Variants in RIPOR1 observed in about 807,000 individuals in gnomAD.
RIPOR1 encodes the protein rho family-interacting cell polarization regulator 1.
Under a neutral mutation model 116.5 loss-of-function variants are expected in RIPOR1, and 58 were observed. The observed-to-expected ratio is 0.50, with a 90% confidence interval of 0.40 to 0.62. The LOEUF (loss-of-function observed/expected upper bound fraction) is 0.62, where lower values mean the gene tolerates loss of function less well. Among genes scored for constraint, RIPOR1 ranks in the 20% least tolerant of loss-of-function variants. The pLI, the probability that RIPOR1 is intolerant of heterozygous loss-of-function variation, is 0.00. For synonymous variants in RIPOR1, 605 were observed against 650.0 expected, an observed-to-expected ratio of 0.93 and a Z score of 1.05; for missense variants, 1,372 against 1,586.2, an observed-to-expected ratio of 0.86 and a Z score of 2.29.
Position 67,540,202 on chromosome 16 carries a change from G to A in RIPOR1, c.564G>A (p.Thr188=), listed in dbSNP as rs779935791. The change falls in exon 7 of 22, where the codon ACG becomes ACA. Residue 188 remains threonine, a synonymous_variant. Coordinates refer to ENST00000042381, the MANE Select transcript of RIPOR1 (RefSeq NM_024519.4). The surrounding 1 kb of genome is among the most constrained non-coding windows in gnomAD (Gnocchi z 4.7). ...CCACTCGGGGGCATCGCGAGTACACGGAGGTGAGGGATGGGGGCCCATGAG... is the reference window on the plus strand; with the variant it reads ...CCACTCGGGGGCATCGCGAGTACACAGAGGTGAGGGATGGGGGCCCATGAG... ...AEATRGHREY[T]ESMCLLESEL... is the part of the protein sequence containing the mutation. The A allele has an allele frequency of 9.3e-6, 15 of 1,613,914 alleles. No homozygotes were observed. Among genetic ancestry groups the A allele is most frequent in the Admixed American group, 5.0e-5 (3 of 60,008 alleles).
Position 67,546,729 on chromosome 16 carries a change from G to C in RIPOR1, c.*266G>C. Reference sequence around the variant, plus strand: ...TGCCGCTGCCCAGCCACATCCCTTGGTTTTGTATTTTATTTACAGAGTTTT... The same window carrying C: ...TGCCGCTGCCCAGCCACATCCCTTGCTTTTGTATTTTATTTACAGAGTTTT... On this transcript the variant is annotated 3_prime_UTR_variant, in exon 22 of 22. Transcript: ENST00000042381. 1 of 548,546 alleles carries C rather than the reference G, an allele frequency of 1.8e-6. No individual in the cohort carries two copies. The allele number at this position is 548,546 out of a possible 1,614,324, so 34.0% of individuals were successfully genotyped here.
chr16:67,544,784 C>G lies in RIPOR1; in HGVS notation c.2823C>G (p.Cys941Trp), dbSNP rs571228643. Residue 941 changes from cysteine (C) to tryptophan (W), a missense_variant, in exon 16 of 22, where the codon TGC becomes TGG. Coordinates refer to ENST00000042381, the MANE Select transcript of RIPOR1 (RefSeq NM_024519.4). This position sits in a 1 kb window ranked among gnomAD's most constrained non-coding sequence, Gnocchi z 5.1. ...AAGCCCGAGTACTGGAGGCAGTATG[C>G]GAGTTCAGCAGGCGGTGGGAGATCC... ...LREARVLEAV[C>W]EFSRRWEIPA... 6.2e-7 allele frequency: 1 copy of G among 1,602,650 alleles called. No individual in the cohort carries two copies. Among genetic ancestry groups the G allele is most frequent in the Non-Finnish European group, 8.5e-7 (1 of 1,171,424 alleles).
chr16:67,542,188 G>A lies in RIPOR1; in HGVS notation c.1402G>A (p.Val468Ile), dbSNP rs753695870. The A allele has an allele frequency of 1.7e-5, 28 of 1,613,730 alleles. No homozygotes were observed. The highest frequency in any genetic ancestry group is 1.3e-4 in the South Asian group (12 of 91,080). Residue 468 changes from valine to isoleucine, a missense_variant, in exon 13 of 22, where the codon GTT (valine) becomes ATT (isoleucine). Physicochemically the swap from Val to Ile is conservative, Grantham distance 29. Transcript: ENST00000042381. The surrounding 1 kb of genome is among the most constrained non-coding windows in gnomAD (Gnocchi z 4.6). ...AALAEASVEA[V>I]GPESLAWGPS... ...CTTGGCTGAGGCTTCAGTGGAGGCC[G>A]TTGGCCCAGAAAGCCTAGCCTGGGG...
chr16:67,543,843 A>C lies in RIPOR1; in HGVS notation c.2600+374A>C. The C allele has an allele frequency of 2.8e-6, 1 of 351,534 alleles. No individual in the cohort carries two copies. The allele number at this position is 351,534 out of a possible 1,614,324, so 21.8% of individuals were successfully genotyped here. A position where few individuals can be genotyped will look rare whatever the true frequency, so the allele number is the denominator to read the frequency against. On this transcript the variant is annotated intron_variant, in intron 14 of 21. Transcript: ENST00000042381. The surrounding 1 kb of genome is among the most constrained non-coding windows in gnomAD (Gnocchi z 4.7). ...TCAGTGTCTCGCCGTGCACCCTGGG[A>C]CCCCAGCACTGCCCCACTCCTTCTC...
At chr16:67,546,077 C>T in intron 20 of RIPOR1, 45 bp downstream of exon 20, 1 of 1,608,238 alleles carries the variant, frequency 6.2e-7, no homozygotes, top group East Asian at 2.2e-5. Context: ...CTTCCGGCAC[C>T]CCCACCCCTG....
upstream of RIPOR1, among the ~76,000 whole-genome samples, chr16:67,527,694 G>C (rs2050556061): frequency 1.3e-5 from 2 of 152,078 alleles, no homozygotes; most frequent in African/African-American, 4.8e-5. Flanking sequence ...GGCTAACATG[G>C]TGAAACCCCA....
In RIPOR1 at chr16:67,538,446, T is replaced by C; in HGVS notation, c.-1T>C. The C allele has an allele frequency of 1.2e-6, 2 of 1,604,180 alleles. No individual in the cohort carries two copies. Among genetic ancestry groups the C allele is most frequent in the Non-Finnish European group, 8.5e-7 (1 of 1,175,766 alleles). Reference sequence around the variant, plus strand: ...CAGGGAGCCCCGCGCGGACTCACTCTATGATGTCCCTGTCGGTGCGGCCGC... The same window carrying C: ...CAGGGAGCCCCGCGCGGACTCACTCCATGATGTCCCTGTCGGTGCGGCCGC... On this transcript the variant is annotated 5_prime_UTR_variant, in exon 2 of 22. Coordinates refer to ENST00000042381, the MANE Select transcript of RIPOR1 (RefSeq NM_024519.4).
chr16:67,543,515 A>T lies in RIPOR1; in HGVS notation c.2600+46A>T. The stretch of plus-strand genomic sequence containing the variant: ...GGGTGTGAGGCTAGGTGAGAGGGAA[A>T]AGGTGAGGCAGGACCAGGGGAAGGT... On this transcript the variant is annotated intron_variant, in intron 14 of 21. Transcript: ENST00000042381. The surrounding 1 kb of genome is among the most constrained non-coding windows in gnomAD (Gnocchi z 4.7). 1 of 1,541,980 alleles carries T rather than the reference A, an allele frequency of 6.5e-7. No homozygotes were observed. Among genetic ancestry groups the T allele is most frequent in the Non-Finnish European group, 8.7e-7 (1 of 1,146,482 alleles).
Position 67,531,497 on chromosome 16 carries a change from C to A in RIPOR1, c.-24+2583C>A. 5.3e-6 allele frequency: 2 copies of A among 376,650 alleles called. No individual in the cohort carries two copies. The highest frequency in any genetic ancestry group is 1.9e-5 in the South Asian group (1 of 53,562). The allele number at this position is 376,650 out of a possible 1,614,324, so 23.3% of individuals were successfully genotyped here. Reference sequence around the variant, plus strand: ...AGGGAGGAAGTCAAAAAGGGGGAACCAACCCAGGGCCTGCTTCCTGGAGGA... The same window carrying A: ...AGGGAGGAAGTCAAAAAGGGGGAACAAACCCAGGGCCTGCTTCCTGGAGGA... On this transcript the variant is annotated intron_variant, in intron 1 of 21. Transcript: ENST00000042381. The surrounding 1 kb of genome is among the most constrained non-coding windows in gnomAD (Gnocchi z 4.2).
At chr16:67,535,745 T>C (rs1369884172) in intron 1 of RIPOR1, among the ~76,000 whole-genome samples, 1 of 151,928 alleles carries the variant, frequency 6.6e-6, no homozygotes, top group Non-Finnish European at 1.5e-5. Flanking sequence ...TCAGTGTGGT[T>C]GTGGTTTAGG....
intron 2 of RIPOR1, 42 bp downstream of exon 2, chr16:67,538,592 A>C (rs899403366): frequency 8.7e-6 from 14 of 1,608,484 alleles, no homozygotes; most frequent in Non-Finnish European, 1.1e-5. Context: ...AGGGCGTCAG[A>C]TGGGGCTGGG....
Position 67,541,693 on chromosome 16 carries a change from G to A in RIPOR1, c.991G>A (p.Val331Ile), listed in dbSNP as rs1567572662. The A allele has an allele frequency of 1.2e-6, 2 of 1,613,984 alleles. No individual in the cohort carries two copies. The highest frequency in any genetic ancestry group is 1.7e-5 in the Admixed American group (1 of 59,996). The part of the protein sequence containing the change: ...KDDQPSAASS[V>I]NKASTVTKRF... ...TGACCAGCCCTCAGCTGCTTCTTCTGTCAACAAGGCCTCCACAGTCACCAA... is the reference window on the plus strand; with the variant it reads ...TGACCAGCCCTCAGCTGCTTCTTCTATCAACAAGGCCTCCACAGTCACCAA... The change falls in exon 12 of 22, where the codon GTC becomes ATC. Residue 331 changes from valine to isoleucine, a missense_variant. Val to Ile is a conservative substitution (Grantham distance 29). Coordinates refer to ENST00000042381, the MANE Select transcript of RIPOR1 (RefSeq NM_024519.4). The surrounding 1 kb of genome is among the most constrained non-coding windows in gnomAD (Gnocchi z 4.6).
Position 67,542,259 on chromosome 16 carries a change from C to A in RIPOR1, c.1473C>A (p.Pro491=). 6.2e-7 allele frequency: 1 copy of A among 1,613,930 alleles called. No homozygotes were observed. The highest frequency in any genetic ancestry group is 8.5e-7 in the Non-Finnish European group (1 of 1,179,926). ...THPAPTHGEH[P]SPVPPALDPG... is the part of the protein sequence containing the mutation. ...CAGCTCCCACCCATGGAGAGCACCC[C>A]AGTCCTGTTCCTCCTGCCCTGGACC... The change falls in exon 13 of 22, where the codon CCC becomes CCA. Residue 491 remains proline, a synonymous_variant. Transcript: ENST00000042381. The surrounding 1 kb of genome is among the most constrained non-coding windows in gnomAD (Gnocchi z 4.6).
Position 67,542,663 on chromosome 16 carries a change from C to T in RIPOR1, c.1877C>T (p.Pro626Leu), listed in dbSNP as rs1475176980. ...THTSTSPTHT[P>L]TSPTHKTSMS... is the part of the protein sequence containing the mutation. ...ACTTCCACAAGCCCCACCCATACCC[C>T]CACAAGTCCCACCCACAAAACCAGT... The change falls in exon 13 of 22, where the codon CCC (proline) becomes CTC (leucine). Residue 626 changes from proline to leucine, a missense_variant. Coordinates refer to ENST00000042381, the MANE Select transcript of RIPOR1 (RefSeq NM_024519.4). The surrounding 1 kb of genome is among the most constrained non-coding windows in gnomAD (Gnocchi z 4.6). 1 of 1,613,624 alleles carries T rather than the reference C, an allele frequency of 6.2e-7. No individual in the cohort carries two copies. The highest frequency in any genetic ancestry group is 1.7e-5 in the Admixed American group (1 of 59,978).
At position 67,538,456 on chromosome 16, in the gene RIPOR1, C is replaced by G; in HGVS notation, c.10C>G (p.Leu4Val). MMS[L>V]SVRPQRRLLS... ...CGCGCGGACTCACTCTATGATGTCC[C>G]TGTCGGTGCGGCCGCAGCGCCGTCT... Residue 4 changes from leucine (L) to valine (V), a missense_variant, in exon 2 of 22, where the codon CTG (leucine) becomes GTG (valine). Leu to Val is a conservative substitution (Grantham distance 32). This residue lies in a region of RIPOR1 where 165 missense variants were observed against 145.5 expected (regional missense o/e 1.13). Transcript: ENST00000042381. The G allele has an allele frequency of 6.2e-7, 1 of 1,607,460 alleles. No homozygotes were observed. The highest frequency in any genetic ancestry group is 2.2e-5 in the East Asian group (1 of 44,590).
Position 67,544,441 on chromosome 16 carries a change from A to ATGGT in RIPOR1, c.2733+11_2733+14dup. On this transcript the variant is annotated intron_variant, in intron 15 of 21. Coordinates refer to ENST00000042381, the MANE Select transcript of RIPOR1 (RefSeq NM_024519.4). This position sits in a 1 kb window ranked among gnomAD's most constrained non-coding sequence, Gnocchi z 5.1. ...CAGTCGCCTCCTGCTGGTGAGGCTG[A>ATGGT]TGGTGTTCCCCCACCCTTCCTTTGT... 1 of 1,601,624 alleles carries ATGGT rather than the reference A, an allele frequency of 6.2e-7. No individual in the cohort carries two copies. Among genetic ancestry groups the ATGGT allele is most frequent in the Non-Finnish European group, 8.5e-7 (1 of 1,174,502 alleles).
At chr16:67,521,262 A>C (rs779396956) in intron 1 of RIPOR1, among the ~76,000 whole-genome samples, 11 of 152,126 alleles carry the variant, frequency 7.2e-5, no homozygotes, top group Non-Finnish European at 1.5e-4. Context: ...GGTGGCGCCA[A>C]AGACCAACTT....
At position 67,528,934 on chromosome 16, in the gene RIPOR1, TC is replaced by T; in HGVS notation, c.-24+22del. The T allele has an allele frequency of 5.2e-6, 1 of 191,518 alleles. No homozygotes were observed. The highest frequency in any genetic ancestry group is 1.1e-5 in the Non-Finnish European group (1 of 90,032). The allele number at this position is 191,518 out of a possible 1,614,324, so 11.9% of individuals were successfully genotyped here. A position where few individuals can be genotyped will look rare whatever the true frequency, so the allele number is the denominator to read the frequency against. On this transcript the variant is annotated intron_variant, in intron 1 of 21. Coordinates refer to ENST00000042381, the MANE Select transcript of RIPOR1 (RefSeq NM_024519.4). ...AGCCATGTGAGTGTCCCGCGCCGTT[TC>T]CGGGGCTGCAGGCCGGGCGGGGAGC...
In RIPOR1 at chr16:67,544,189, G is replaced by C. The variant is rs548910374; in HGVS notation, c.2601-110G>C. 194 of 1,384,350 alleles carry C rather than the reference G, an allele frequency of 1.4e-4. No individual in the cohort carries two copies. Among genetic ancestry groups the C allele is most frequent in the Admixed American group, 2.0e-4 (9 of 45,918 alleles). 85.8% of individuals were successfully genotyped at this position (1,384,350 alleles called of 1,614,324 possible). Reference sequence around the variant, plus strand: ...TGAACTTACCCCACTGTCTGCTGTCGGTGCATCATCTTCTTCCTTTCTGGC... The same window carrying C: ...TGAACTTACCCCACTGTCTGCTGTCCGTGCATCATCTTCTTCCTTTCTGGC... On this transcript the variant is annotated intron_variant, in intron 14 of 21. Transcript: ENST00000042381. The surrounding 1 kb of genome is among the most constrained non-coding windows in gnomAD (Gnocchi z 5.1).
Sources: allele counts gnomAD v4.1 joint callset (sites outside exome capture counted in the v4.1 genomes callset), GRCh38; gene constraint gnomAD v4.1.1; regional missense constraint gnomAD v4.1.1; non-coding constraint Gnocchi (gnomAD v3.1); transcripts MANE v1.5; gene names NCBI Gene and HGNC (gene_info 2026-07-23, HGNC 2026-07-21).